The following OGFOD3 variants were observed in gnomAD, a reference collection of about 807,000 sequenced individuals.
OGFOD3 encodes the protein 2-oxoglutarate and iron dependent oxygenase domain containing 3, also known as 2-oxoglutarate and iron-dependent oxygenase domain-containing protein 3.
A neutral mutation model predicts 39.8 loss-of-function variants in OGFOD3; 35 were observed. That is an observed-to-expected ratio of 0.88 (90% CI 0.67 to 1.17). The LOEUF is 1.17. OGFOD3 is among the 50% of genes most tolerant of loss of function. The probability of loss-of-function intolerance (pLI) is 0.00; values close to 1 mark genes in which losing one functional copy is unlikely to be tolerated. For missense variants in OGFOD3, 438 were observed against 454.5 expected, an observed-to-expected ratio of 0.96 and a Z score of 0.33; for synonymous variants, 200 against 192.0, an observed-to-expected ratio of 1.04 and a Z score of -0.34.
chr17:82,392,142 T>A lies in OGFOD3; in HGVS notation c.*256A>T. On this transcript the variant is annotated 3_prime_UTR_variant, in exon 9 of 9. Transcript: ENST00000313056. The surrounding 1 kb of genome is among the most constrained non-coding windows in gnomAD (Gnocchi z 4.2). Reference sequence around the variant, plus strand: ...TTCACAGATGGGGACTTGTGCCCCGTCCTGCTGGGTCCCTTTCCTGGCCTC... The same window carrying A: ...TTCACAGATGGGGACTTGTGCCCCGACCTGCTGGGTCCCTTTCCTGGCCTC... 1.8e-6 allele frequency: 1 copy of A among 548,592 alleles called. No homozygotes were observed. The highest frequency in any genetic ancestry group is 4.8e-4 in the Middle Eastern group (1 of 2,074). 34.0% of individuals were successfully genotyped at this position (548,592 alleles called of 1,614,324 possible).
intron 2 of OGFOD3, among the ~76,000 whole-genome samples, chr17:82,412,591 G>T (rs923051776): frequency 6.6e-6 from 1 of 151,268 alleles, no homozygotes; most frequent in Non-Finnish European, 1.5e-5. Flanking sequence ...CAGGGGCAGG[G>T]TGGTCAGACA....
At chr17:82,395,825 GA>G (rs913704444) in intron 8 of OGFOD3, among the ~76,000 whole-genome samples, 36 of 147,010 alleles carry the variant, frequency 2.4e-4, no homozygotes, top group Admixed American at 1.1e-3. Flanking sequence ...CGTCTCAAAA[GA>G]AAAAAAAAAG....
At chr17:82,403,567 G>A (rs989760747) in intron 7 of OGFOD3, among the ~76,000 whole-genome samples, 6 of 152,212 alleles carry the variant, frequency 3.9e-5, no homozygotes, top group African/African-American at 1.4e-4. Context: ...GGGAGGCAGA[G>A]GTTGCAGTGA....
In OGFOD3 at chr17:82,398,333, C is replaced by T. The variant is rs1219793887; in HGVS notation, c.700-14G>A. ...GCCGTAGGTCACCTGAGGGCAGAGC[C>T]GGGAGGAGGGGGCAGAATGGGCTCT... On this transcript the variant is annotated splice_polypyrimidine_tract_variant and intron_variant, in intron 7 of 8. Coordinates refer to ENST00000313056, the MANE Select transcript of OGFOD3 (RefSeq NM_024648.3). The T allele has an allele frequency of 1.9e-6, 3 of 1,613,922 alleles. No homozygotes were observed. The highest frequency in any genetic ancestry group is 3.3e-5 in the Admixed American group (2 of 60,000).
Position 82,415,495 on chromosome 17 carries a change from C to T in OGFOD3, c.207G>A (p.Gly69=). 6.2e-7 allele frequency: 1 copy of T among 1,613,712 alleles called. No homozygotes were observed. The highest frequency in any genetic ancestry group is 1.1e-5 in the South Asian group (1 of 91,068). ...LLWSSLGADD[G]VAEVLARRGE... is the part of the protein sequence containing the mutation. ...CACGGCGGGCCAGGACCTCTGCGAC[C>T]CCGTCGTCGGCCCCCAAGCTGCTCC... The change falls in exon 2 of 9, where the codon GGG becomes GGA. Residue 69 remains glycine, a synonymous_variant. Transcript: ENST00000313056. The surrounding 1 kb of genome is among the most constrained non-coding windows in gnomAD (Gnocchi z 5.3).
At chr17:82,412,933 T>G (rs1046658914) in intron 2 of OGFOD3, among the ~76,000 whole-genome samples, 6 of 152,138 alleles carry the variant, frequency 3.9e-5, no homozygotes, top group African/African-American at 1.2e-4. Context: ...AGCCTCGCAC[T>G]CAGTGCTGAG....
intron 7 of OGFOD3, among the ~76,000 whole-genome samples, chr17:82,401,751 C>T: frequency 7.1e-6 from 1 of 140,850 alleles, no homozygotes; most frequent in Non-Finnish European, 1.5e-5. Context: ...TTGCAGTGAG[C>T]TGAGATCGCG....
intron 7 of OGFOD3, among the ~76,000 whole-genome samples, chr17:82,402,755 A>C (rs2052787334): frequency 6.6e-6 from 1 of 151,368 alleles, no homozygotes; most frequent in African/African-American, 2.4e-5. Context: ...CTTAAAAAAA[A>C]AAAAGAAAGA....
At chr17:82,414,645 G>A (rs946515753) in intron 2 of OGFOD3, among the ~76,000 whole-genome samples, 1 of 152,178 alleles carries the variant, frequency 6.6e-6, no homozygotes, top group African/African-American at 2.4e-5. Context: ...CGGCGCGGCT[G>A]GGACCACGTT....
chr17:82,409,165 C>T (rs2052904007), intron 4 of OGFOD3, among the ~76,000 whole-genome samples: 1 of 152,212 alleles, frequency 6.6e-6, no homozygotes, highest in Admixed American at 6.5e-5. Flanking sequence ...CATCTAAGGA[C>T]ACACTCTTCC....
intron 4 of OGFOD3, among the ~76,000 whole-genome samples, chr17:82,408,602 C>T (rs530774957): frequency 7.3e-4 from 111 of 152,210 alleles, no homozygotes; most frequent in Non-Finnish European, 1.2e-3. Context: ...AGGGGCCCTG[C>T]TCCCTCCCAG....
rs1432544049 is a variant in OGFOD3, at chr17:82,390,129, A to T, written c.*2269T>A. ...AGTAGCCAAGAATGAAAATCAAACT[A>T]ATAATTTACTTATTTCAAAAGCACT... On this transcript the variant is annotated 3_prime_UTR_variant, in exon 9 of 9. Coordinates refer to ENST00000313056, the MANE Select transcript of OGFOD3 (RefSeq NM_024648.3). This position sits in a 1 kb window ranked among gnomAD's most constrained non-coding sequence, Gnocchi z 4.9. 1 of 152,256 alleles carries T rather than the reference A, an allele frequency of 6.6e-6. No individual in the cohort carries two copies. The highest frequency in any genetic ancestry group is 1.5e-5 in the Non-Finnish European group (1 of 68,052). 9.4% of individuals were successfully genotyped at this position (152,256 alleles called of 1,614,324 possible).
chr17:82,416,063 T>C (rs1247515162), intron 1 of OGFOD3, among the ~76,000 whole-genome samples: 1 of 149,304 alleles, frequency 6.7e-6, no homozygotes, highest in Non-Finnish European at 1.5e-5. Context: ...ACCCTGTCTC[T>C]ACTAAATACA....
intron 2 of OGFOD3, among the ~76,000 whole-genome samples, chr17:82,412,196 G>A (rs2052958965): frequency 6.6e-6 from 1 of 152,206 alleles, no homozygotes; most frequent in South Asian, 2.1e-4. Flanking sequence ...CTCCGCACAT[G>A]CCCCTGTCTC....
At chr17:82,395,944 A>T (rs2052665864) in intron 8 of OGFOD3, among the ~76,000 whole-genome samples, 1 of 152,196 alleles carries the variant, frequency 6.6e-6, no homozygotes, top group African/African-American at 2.4e-5. Flanking sequence ...TCAATCACGT[A>T]AACACACAGA....
rs1161692943 is a variant in OGFOD3, at chr17:82,404,447, G to A, written c.546-357C>T. Among the ~76,000 whole-genome samples, 1 of 152,200 alleles carries A rather than the reference G, an allele frequency of 6.6e-6. No individual in the cohort carries two copies. Among genetic ancestry groups the A allele is most frequent in the African/African-American group, 2.4e-5 (1 of 41,438 alleles). On this transcript the variant is annotated intron_variant, in intron 6 of 8. Transcript: ENST00000313056. This position sits in a 1 kb window ranked among gnomAD's most constrained non-coding sequence, Gnocchi z 4.5. ...CCAGCCTCCTATTCAGCAACGAAGA[G>A]GCTGCTGTCCCCCAACGTGAGTGTG...
At chr17:82,414,681 T>C (rs1018377396) in intron 2 of OGFOD3, among the ~76,000 whole-genome samples, 2 of 152,198 alleles carry the variant, frequency 1.3e-5, no homozygotes, top group Non-Finnish European at 2.9e-5. Context: ...GGCGCCCCTT[T>C]GTGGAAGAAC....
chr17:82,401,610 C>CCTGG (rs2052764720), intron 7 of OGFOD3, among the ~76,000 whole-genome samples: 1 of 151,154 alleles, frequency 6.6e-6, no homozygotes, highest in Non-Finnish European at 1.5e-5. Context: ...TCGAGACTAG[C>CCTGG]CTGGCTAACA....
intron 1 of OGFOD3, among the ~76,000 whole-genome samples, chr17:82,417,976 G>A (rs2053096949): frequency 6.6e-6 from 1 of 152,198 alleles, no homozygotes; most frequent in Admixed American, 6.5e-5. Flanking sequence ...ATTCCTCCAT[G>A]GCACCCGATC....
Sources: allele counts gnomAD v4.1 joint callset (sites outside exome capture counted in the v4.1 genomes callset), GRCh38; gene constraint gnomAD v4.1.1; non-coding constraint Gnocchi (gnomAD v3.1); transcripts MANE v1.5; gene names NCBI Gene and HGNC (gene_info 2026-07-23, HGNC 2026-07-21).